SEZ6L: variants seen among roughly 807,000 people sequenced by gnomAD.
SEZ6L encodes seizure 6-like protein.
Under a neutral mutation model 106.2 loss-of-function variants are expected in SEZ6L, and 37 were observed. The observed-to-expected ratio is 0.35, with a 90% CI of 0.27 to 0.46. The LOEUF is 0.46. SEZ6L is among the 20% of genes least tolerant of loss of function. The pLI, the probability that SEZ6L is intolerant of heterozygous loss-of-function variation, is 1.00. For missense variants in SEZ6L, 1,172 were observed against 1,332.8 expected (o/e 0.88, Z 1.88); for synonymous variants, 541 against 570.4 (o/e 0.95, Z 0.73).
At chr22:26,283,769 G>T (rs1002083023) in intron 1 of SEZ6L, among the ~76,000 whole-genome samples, 6 of 152,116 alleles carry the variant, frequency 3.9e-5, no homozygotes, top group Non-Finnish European at 7.3e-5. Context: ...CCACATTCAG[G>T]GCAGTAGTTC....
At chr22:26,303,256 T>C (rs2081510462) in intron 5 of SEZ6L, among the ~76,000 whole-genome samples, 1 of 152,234 alleles carries the variant, frequency 6.6e-6, no homozygotes, top group Non-Finnish European at 1.5e-5. Flanking sequence ...ATGTCTTTGC[T>C]GTAGGTCACA....
chr22:26,171,959 G>A (rs1170718494), intron 1 of SEZ6L, among the ~76,000 whole-genome samples: 1 of 152,092 alleles, frequency 6.6e-6, no homozygotes, highest in Admixed American at 6.5e-5. Flanking sequence ...TGCTTGCGGT[G>A]AAGTGAGGGG....
At chr22:26,331,896 T>C (rs2082491096) in intron 9 of SEZ6L, among the ~76,000 whole-genome samples, 2 of 152,026 alleles carry the variant, frequency 1.3e-5, no homozygotes, top group South Asian at 2.1e-4. Flanking sequence ...GGCAGGAGAA[T>C]GGCTTAAACC....
At chr22:26,296,798 C>T in intron 3 of SEZ6L, 90 bp from the exon 4 acceptor site, 2 of 1,184,198 alleles carry the variant, frequency 1.7e-6, no homozygotes, top group Admixed American at 3.0e-5. Flanking sequence ...AGTACCTGGG[C>T]CACTTTTCAC....
At chr22:26,370,807 C>A (rs641609) in intron 13 of SEZ6L, among the ~76,000 whole-genome samples, 22,920 of 151,814 alleles carry the variant, frequency 0.15, 1,861 homozygotes, top group Middle Eastern at 0.18. Flanking sequence ...AGTTCGAGAC[C>A]AGCCTAGGCA....
chr22:26,172,621 G>A (rs932824763), intron 1 of SEZ6L, among the ~76,000 whole-genome samples: 1 of 152,216 alleles, frequency 6.6e-6, no homozygotes, highest in Non-Finnish European at 1.5e-5. Context: ...GGGCAGAAGA[G>A]AGGGGAATTC....
At chr22:26,338,316 A>G (rs2082707747) in intron 9 of SEZ6L, among the ~76,000 whole-genome samples, 1 of 152,172 alleles carries the variant, frequency 6.6e-6, no homozygotes, top group Non-Finnish European at 1.5e-5. Flanking sequence ...AGGCACACTG[A>G]CCACTGGAAA....
At chr22:26,195,159 C>T (rs1199996699) in intron 1 of SEZ6L, among the ~76,000 whole-genome samples, 1 of 152,200 alleles carries the variant, frequency 6.6e-6, no homozygotes, top group Non-Finnish European at 1.5e-5. Context: ...GCAAGACCAG[C>T]CAGACTGGGC....
chr22:26,250,544 A>G (rs1360540331), intron 1 of SEZ6L, among the ~76,000 whole-genome samples: 3 of 152,184 alleles, frequency 2.0e-5, no homozygotes, highest in Admixed American at 6.5e-5. Context: ...TGCTGGCACC[A>G]TGCTGTTTTA....
At position 26,380,661 on chromosome 22, in the gene SEZ6L, C is replaced by A; in HGVS notation, c.*366C>A. ...TTGCATGCATCTTTGGGAACCATGCCCATGATGTTTTCAGTACAAATCTAA... is the reference window on the plus strand; with the variant it reads ...TTGCATGCATCTTTGGGAACCATGCACATGATGTTTTCAGTACAAATCTAA... On this transcript the variant is annotated 3_prime_UTR_variant, in exon 17 of 17. Coordinates refer to ENST00000248933, the MANE Select transcript of SEZ6L (RefSeq NM_021115.5). The A allele has an allele frequency of 4.9e-6, 1 of 203,172 alleles. No individual in the cohort carries two copies. Among genetic ancestry groups the A allele is most frequent in the Non-Finnish European group, 1.0e-5 (1 of 99,448 alleles). The allele number at this position is 203,172 out of a possible 1,614,324, so 12.6% of individuals were successfully genotyped here. A position where few individuals can be genotyped will look rare whatever the true frequency, so the allele number is the denominator to read the frequency against.
At chr22:26,257,238 T>C (rs967414313) in intron 1 of SEZ6L, among the ~76,000 whole-genome samples, 3 of 152,146 alleles carry the variant, frequency 2.0e-5, no homozygotes, top group African/African-American at 7.2e-5. Flanking sequence ...TCTAGGTAAA[T>C]GCACCTAAGC....
At chr22:26,265,064 C>A (rs2080132317) in intron 1 of SEZ6L, among the ~76,000 whole-genome samples, 1 of 152,092 alleles carries the variant, frequency 6.6e-6, no homozygotes, top group Admixed American at 6.5e-5. Flanking sequence ...TGATCTCTCC[C>A]CCTCTTAGCC....
At chr22:26,287,501 A>G (rs1285202386) in intron 1 of SEZ6L, among the ~76,000 whole-genome samples, 1 of 152,224 alleles carries the variant, frequency 6.6e-6, no homozygotes, top group Non-Finnish European at 1.5e-5. Context: ...GTTCTGAAAA[A>G]AAATGAGTTA....
chr22:26,169,622 C>A lies in SEZ6L; in HGVS notation c.-48C>A. ...CCGCCCTCCTTCCCCAGCTCCCTCG[C>A]CGTCCGCCCGCCCCACAGCCAGCGG... On this transcript the variant is annotated 5_prime_UTR_variant, in exon 1 of 17. Coordinates refer to ENST00000248933, the MANE Select transcript of SEZ6L (RefSeq NM_021115.5). 1 of 700,316 alleles carries A rather than the reference C, an allele frequency of 1.4e-6. No homozygotes were observed. Among genetic ancestry groups the A allele is most frequent in the South Asian group, 3.0e-5 (1 of 33,676 alleles). 43.4% of individuals were successfully genotyped at this position (700,316 alleles called of 1,614,324 possible).
At chr22:26,232,861 G>A (rs2078843884) in intron 1 of SEZ6L, among the ~76,000 whole-genome samples, 1 of 152,188 alleles carries the variant, frequency 6.6e-6, no homozygotes, top group African/African-American at 2.4e-5. Context: ...TGTAAAACAG[G>A]GAGGAACACG....
intron 1 of SEZ6L, among the ~76,000 whole-genome samples, chr22:26,214,822 C>T (rs906411217): frequency 4.6e-5 from 7 of 151,972 alleles, no homozygotes; most frequent in South Asian, 2.1e-4. Flanking sequence ...ACAGAGTTTG[C>T]GGGGATGTTT....
intron 1 of SEZ6L, among the ~76,000 whole-genome samples, chr22:26,270,900 C>A (rs932582605): frequency 6.6e-6 from 1 of 152,180 alleles, no homozygotes; most frequent in Non-Finnish European, 1.5e-5. Flanking sequence ...AAAGGCAAGC[C>A]CAGCCCCTGC....
At chr22:26,276,603 C>T (rs2080553096) in intron 1 of SEZ6L, among the ~76,000 whole-genome samples, 1 of 152,202 alleles carries the variant, frequency 6.6e-6, no homozygotes, top group South Asian at 2.1e-4. Flanking sequence ...ATCGATTTCC[C>T]ACCCTGAGCT....
At chr22:26,264,117 A>G (rs1231409623) in intron 1 of SEZ6L, among the ~76,000 whole-genome samples, 1 of 152,256 alleles carries the variant, frequency 6.6e-6, no homozygotes, top group Non-Finnish European at 1.5e-5. Context: ...TTCCAGTCAC[A>G]AAACTTGGTG....
Sources: gnomAD v4.1 joint callset for allele counts (sites outside exome capture counted in the v4.1 genomes callset) on GRCh38, gnomAD v4.1.1 for gene constraint, MANE v1.5 for transcripts, NCBI Gene and HGNC (gene_info 2026-07-23, HGNC 2026-07-21) for gene names.